Variants in RUFY2 observed in about 807,000 individuals in gnomAD.
RUFY2 encodes RUN and FYVE domain containing 2, also known as RUN and FYVE domain-containing protein 2.
Under a neutral mutation model 94.4 loss-of-function variants are expected in RUFY2, and 49 were observed. The ratio of observed to expected loss-of-function variants is 0.52; its 90% CI spans 0.41 to 0.66. The LOEUF (loss-of-function observed/expected upper bound fraction) is 0.66. Among genes scored for constraint, RUFY2 ranks in the 30% least tolerant of loss-of-function variants. The pLI is 0.00. For missense variants in RUFY2, 541 were observed against 692.8 expected (o/e 0.78, Z 2.46); for synonymous variants, 255 against 235.7 (o/e 1.08, Z -0.75).
intron 2 of RUFY2, among the ~76,000 whole-genome samples, chr10:68,404,420 TTA>T (rs1449486129): frequency 6.6e-6 from 1 of 152,196 alleles, no homozygotes; most frequent in African/African-American, 2.4e-5. Flanking sequence ...ATAATTCAGA[TTA>T]TGTGTTTAAA....
chr10:68,380,133 T>G (rs1312788866), intron 11 of RUFY2, among the ~76,000 whole-genome samples: 2 of 146,682 alleles, frequency 1.4e-5, no homozygotes, highest in Non-Finnish European at 3.0e-5. Flanking sequence ...TAAGATGGGG[T>G]CTTGCTATGT....
chr10:68,392,763 T>C (rs1049616191), intron 7 of RUFY2, among the ~76,000 whole-genome samples: 1 of 101,236 alleles, frequency 9.9e-6, no homozygotes, highest in Non-Finnish European at 2.0e-5. Context: ...TCTACTAAAA[T>C]ACAAAAAAAA....
At chr10:68,380,662 A>C (rs760426205) in intron 11 of RUFY2, among the ~76,000 whole-genome samples, 18 of 151,960 alleles carry the variant, frequency 1.2e-4, no homozygotes, top group Middle Eastern at 6.8e-3. Context: ...AGGAATTCGA[A>C]ACCAGCCTGG....
At chr10:68,367,311 G>A (rs557325618) in intron 13 of RUFY2, among the ~76,000 whole-genome samples, 161 of 152,264 alleles carry the variant, frequency 1.1e-3, no homozygotes, top group African/African-American at 3.6e-3. Context: ...TCCCAGTCGT[G>A]TTCTTCATGT....
At position 68,394,315 on chromosome 10, in the gene RUFY2, C is replaced by T. The variant is rs944437123; in HGVS notation, c.522+13G>A. The stretch of plus-strand genomic sequence containing the variant: ...AAAACACTCTGCATTTGGCACTAGT[C>T]ACTTTCACTTACTTGTGAGTCTAAA... On this transcript the variant is annotated intron_variant, in intron 5 of 17. Coordinates refer to ENST00000602465, the MANE Select transcript of RUFY2 (RefSeq NM_001330103.2). 6.2e-7 allele frequency: 1 copy of T among 1,613,652 alleles called. No homozygotes were observed. The highest frequency in any genetic ancestry group is 1.3e-5 in the African/African-American group (1 of 74,930).
chr10:68,366,759 T>TATATATATATATATATATATAA (rs1235098742), intron 13 of RUFY2, among the ~76,000 whole-genome samples: 2,226 of 131,310 alleles, frequency 0.017, 53 homozygotes, highest in South Asian at 0.039. Flanking sequence ...TATATATATA[T>TATATATATATATATATATATAA]AATATTAAAT....
At chr10:68,386,546 C>A (rs549706312) in intron 7 of RUFY2, among the ~76,000 whole-genome samples, 1 of 152,138 alleles carries the variant, frequency 6.6e-6, no homozygotes, top group Non-Finnish European at 1.5e-5. Context: ...GACGGGGTTA[C>A]ACCATGTTGG....
chr10:68,363,644 T>A lies in RUFY2; in HGVS notation c.1496A>T (p.Lys499Ile), dbSNP rs1385578173. 6.2e-7 allele frequency: 1 copy of A among 1,608,410 alleles called. No homozygotes were observed. Among genetic ancestry groups the A allele is most frequent in the Non-Finnish European group, 8.5e-7 (1 of 1,178,376 alleles). The part of the protein sequence containing the change: ...NLQDENQQLK[K>I]IYHEQEQALQ... ...AGCTTGCTCTTGTTCATGATATATT[T>A]TTTTCAACTGCTGATTTTCATCCTG... The change falls in exon 15 of 18, where the codon AAA becomes ATA. Residue 499 changes from lysine (K) to isoleucine (I), a missense_variant. Lys to Ile is a moderately radical substitution (Grantham distance 102). Around this residue, in one of 3 missense-constraint regions of RUFY2, gnomAD observed 403 missense variants for 480.7 expected, o/e 0.84. Transcript: ENST00000602465.
intron 7 of RUFY2, among the ~76,000 whole-genome samples, chr10:68,392,636 T>C (rs2050085690): frequency 6.6e-6 from 1 of 151,804 alleles, no homozygotes; most frequent in African/African-American, 2.4e-5. Context: ...AAAACCTGAC[T>C]CTCGGGCCAG....
At chr10:68,349,488 C>T (rs1187316802) in intron 16 of RUFY2, among the ~76,000 whole-genome samples, 1 of 151,820 alleles carries the variant, frequency 6.6e-6, no homozygotes, top group Middle Eastern at 3.2e-3. Context: ...GTCACTACAC[C>T]CTGGCCTGGA....
At chr10:68,406,024 T>C (rs2051267227) in intron 1 of RUFY2, among the ~76,000 whole-genome samples, 1 of 152,198 alleles carries the variant, frequency 6.6e-6, no homozygotes, top group Admixed American at 6.6e-5. Flanking sequence ...CCCCATCATC[T>C]CATCACTGTT....
intron 7 of RUFY2, among the ~76,000 whole-genome samples, chr10:68,391,865 G>A (rs1234279088): frequency 2.0e-5 from 3 of 150,372 alleles, no homozygotes; most frequent in African/African-American, 4.9e-5. Context: ...GGGAGGCTGA[G>A]GTAGGAGAAT....
chr10:68,376,489 T>TATAAATATTC lies in RUFY2; in HGVS notation c.1325+363_1325+364insGAATATTTAT, dbSNP rs58358117. On this transcript the variant is annotated intron_variant, in intron 13 of 17. Transcript: ENST00000602465. ...ATATATATATATATATATATATATA[T>TATAAATATTC]ATTCTCAGAAAACAGCATGTCCTTT... Among the ~76,000 whole-genome samples, 3 of 51,816 alleles carry TATAAATATTC rather than the reference T, an allele frequency of 5.8e-5. 1 individual carries two copies. Among genetic ancestry groups the TATAAATATTC allele is most frequent in the East Asian group, 1.7e-3 (2 of 1,204 alleles). 34.0% of individuals were successfully genotyped at this position (51,816 alleles called of 152,430 possible).
intron 7 of RUFY2, among the ~76,000 whole-genome samples, chr10:68,387,965 C>A (rs1450477310): frequency 6.6e-6 from 1 of 151,510 alleles, no homozygotes; most frequent in Non-Finnish European, 1.5e-5. Context: ...ATCGCACCAT[C>A]GCACTCCAGC....
chr10:68,366,521 T>C (rs950517965), intron 13 of RUFY2, among the ~76,000 whole-genome samples: 2 of 150,868 alleles, frequency 1.3e-5, no homozygotes, highest in Non-Finnish European at 2.9e-5. Flanking sequence ...GGCAGGTGGA[T>C]CACTTGAGGT....
chr10:68,407,225 C>A lies in RUFY2; in HGVS notation c.-36G>T. The A allele has an allele frequency of 7.2e-7, 1 of 1,381,804 alleles. No individual in the cohort carries two copies. The highest frequency in any genetic ancestry group is 1.6e-5 in the South Asian group (1 of 60,704). The allele number at this position is 1,381,804 out of a possible 1,614,324, so 85.6% of individuals were successfully genotyped here. ...GCTGCGCGGTCTCGGGCGGAGGCTC[C>A]CTCGGCCTGTCCAGCAGCTCCTTCC... On this transcript the variant is annotated 5_prime_UTR_variant, in exon 1 of 18. Coordinates refer to ENST00000602465, the MANE Select transcript of RUFY2 (RefSeq NM_001330103.2).
In RUFY2 at chr10:68,392,171, A is replaced by T. The variant is rs1055787059; in HGVS notation, c.650+967T>A. Among the ~76,000 whole-genome samples the T allele has an allele frequency of 5.3e-5, 8 of 151,726 alleles. No homozygotes were observed. In the East Asian group the frequency reaches 1.6e-3, roughly 30 times the overall value. On this transcript the variant is annotated intron_variant, in intron 7 of 17. Transcript: ENST00000602465. ...CTCATCCTCCCGAGTAGCTGGGATT[A>T]CAGGTGACCGCCACCACCCCTGGCT...
chr10:68,358,287 A>AT (rs2132415920), intron 15 of RUFY2, among the ~76,000 whole-genome samples: 1 of 152,356 alleles, frequency 6.6e-6, no homozygotes, highest in South Asian at 2.1e-4. Context: ...ATCAAATGAT[A>AT]TATCAGATAC....
intron 16 of RUFY2, among the ~76,000 whole-genome samples, chr10:68,353,913 A>G (rs2046870611): frequency 6.6e-6 from 1 of 152,142 alleles, no homozygotes. Flanking sequence ...AATGAGAGTG[A>G]GCAAAACTCT....
Sources: gnomAD v4.1 joint callset for allele counts (sites outside exome capture counted in the v4.1 genomes callset) on GRCh38, gnomAD v4.1.1 for gene constraint, gnomAD v4.1.1 regional missense constraint, MANE v1.5 for transcripts, NCBI Gene and HGNC (gene_info 2026-07-23, HGNC 2026-07-21) for gene names.